Variants in FHOD3 observed in about 807,000 individuals in gnomAD.
The protein encoded by FHOD3 is FH1/FH2 domain-containing protein 3.
FHOD3 carries 90 observed loss-of-function variants against 173.0 expected under a neutral mutation model. That is an observed-to-expected ratio of 0.52 (90% confidence interval 0.44 to 0.62). FHOD3 has a LOEUF of 0.62. FHOD3 is among the 20% of genes least tolerant of loss of function. FHOD3 has a pLI of 0.00. For synonymous variants in FHOD3, 828 were observed against 823.0 expected (o/e 1.01, Z -0.10); for missense variants, 1,945 against 2,034.7 (o/e 0.96, Z 0.85).
intron 19 of FHOD3, among the ~76,000 whole-genome samples, chr18:36,724,514 C>T (rs948139025): frequency 6.6e-6 from 1 of 152,186 alleles, no homozygotes; most frequent in Admixed American, 6.5e-5. Context: ...GCCTTGAGTG[C>T]TGTCTGTTTG....
At chr18:36,537,150 C>T (rs2057028685) in intron 5 of FHOD3, among the ~76,000 whole-genome samples, 1 of 152,160 alleles carries the variant, frequency 6.6e-6, no homozygotes, top group Admixed American at 6.5e-5. Flanking sequence ...TATGGCCTGT[C>T]TCCACTCCAA....
chr18:36,303,564 A>G (rs892492804), intron 1 of FHOD3, among the ~76,000 whole-genome samples: 35 of 152,184 alleles, frequency 2.3e-4, no homozygotes, highest in African/African-American at 8.4e-4. Flanking sequence ...AGTTCTTAAT[A>G]GTGTCGACTT....
chr18:36,630,450 G>A (rs2034433817), intron 10 of FHOD3, among the ~76,000 whole-genome samples: 2 of 152,122 alleles, frequency 1.3e-5, no homozygotes, highest in African/African-American at 4.8e-5. Flanking sequence ...ACTTTTAGGG[G>A]ACCAAGCCTT....
intron 14 of FHOD3, among the ~76,000 whole-genome samples, chr18:36,679,858 G>C (rs952193506): frequency 1.3e-5 from 2 of 151,850 alleles, no homozygotes; most frequent in Non-Finnish European, 2.9e-5. Flanking sequence ...TCTCCCATTT[G>C]GGCACCAGGT....
chr18:36,769,136 G>A (rs2043265906), intron 27 of FHOD3, 129 bp from the exon 28 acceptor site: 2 of 1,056,438 alleles, frequency 1.9e-6, no homozygotes, highest in South Asian at 3.1e-5. Context: ...ACTAGCTCTG[G>A]GGCTTTAACT....
chr18:36,315,161 C>T (rs2044057367), intron 1 of FHOD3, among the ~76,000 whole-genome samples: 1 of 152,214 alleles, frequency 6.6e-6, no homozygotes. Flanking sequence ...ATGAAAAATG[C>T]ACTCAGAGTT....
intron 24 of FHOD3, among the ~76,000 whole-genome samples, chr18:36,753,318 G>A (rs990308331): frequency 6.6e-6 from 1 of 152,102 alleles, no homozygotes; most frequent in Non-Finnish European, 1.5e-5. Context: ...CTTTTTCAGG[G>A]AATAACCAGG....
intron 2 of FHOD3, among the ~76,000 whole-genome samples, chr18:36,361,869 A>C (rs1193719561): frequency 6.6e-6 from 1 of 152,092 alleles, no homozygotes; most frequent in Non-Finnish European, 1.5e-5. Flanking sequence ...GGGCCCAGGC[A>C]GAGGTGATTT....
At chr18:36,593,229 C>T (rs1440890451) in intron 6 of FHOD3, among the ~76,000 whole-genome samples, 1 of 152,092 alleles carries the variant, frequency 6.6e-6, no homozygotes, top group Non-Finnish European at 1.5e-5. Flanking sequence ...GACAAGTAAT[C>T]CCAGTGGTGG....
chr18:36,625,881 A>G, intron 10 of FHOD3, 132 bp downstream of exon 10: 4 of 707,492 alleles, frequency 5.7e-6, no homozygotes, highest in Non-Finnish European at 8.5e-6. Flanking sequence ...CCTCTTCTTG[A>G]CCATTAAACC....
chr18:36,516,853 G>T (rs1219148886), intron 5 of FHOD3, among the ~76,000 whole-genome samples: 1 of 152,238 alleles, frequency 6.6e-6, no homozygotes, highest in African/African-American at 2.4e-5. Flanking sequence ...CACCTGAGGA[G>T]CTCTGCTCTG....
intron 3 of FHOD3, among the ~76,000 whole-genome samples, chr18:36,414,889 G>T (rs1344452255): frequency 6.6e-6 from 1 of 152,178 alleles, no homozygotes; most frequent in Non-Finnish European, 1.5e-5. Context: ...CTCCTGCAGG[G>T]CTGTCTGACT....
chr18:36,780,169 C>A lies in FHOD3; in HGVS notation c.*639C>A. 1 of 1,231,886 alleles carries A rather than the reference C, an allele frequency of 8.1e-7. No homozygotes were observed. The highest frequency in any genetic ancestry group is 3.2e-5 in the East Asian group (1 of 31,704). 76.3% of individuals were successfully genotyped at this position (1,231,886 alleles called of 1,614,324 possible). ...TCCTCAGAAGCACCCTCGCTTGGAA[C>A]GGCCTTCAGATCCTTTGGGCTGTAT... On this transcript the variant is annotated 3_prime_UTR_variant, in exon 29 of 29. Transcript: ENST00000590592.
chr18:36,763,044 ATTATACACGTTATATATAATATGCG>A (rs1193144280), intron 27 of FHOD3, among the ~76,000 whole-genome samples: 25 of 131,448 alleles, frequency 1.9e-4, no homozygotes, highest in African/African-American at 5.6e-4. Flanking sequence ...TAATATGCGT[ATTATACACGTTATATATAATATGCG>A]TATTATACAC....
intron 3 of FHOD3, among the ~76,000 whole-genome samples, chr18:36,443,714 C>T (rs562801022): frequency 1.3e-5 from 2 of 152,212 alleles, no homozygotes; most frequent in East Asian, 1.9e-4. Flanking sequence ...CCTGAGATCA[C>T]GGAGCTAGGA....
chr18:36,730,901 C>A, intron 20 of FHOD3, 97 bp downstream of exon 20: 1 of 1,274,106 alleles, frequency 7.8e-7, no homozygotes, highest in Non-Finnish European at 1.1e-6. Flanking sequence ...TGGTGCCTTT[C>A]TGTCTCAACT....
Position 36,779,587 on chromosome 18 carries a change from A to C in FHOD3, c.*57A>C, listed in dbSNP as rs1289408614. 1 of 1,507,556 alleles carries C rather than the reference A, an allele frequency of 6.6e-7. No individual in the cohort carries two copies. Among genetic ancestry groups the C allele is most frequent in the Non-Finnish European group, 9.2e-7 (1 of 1,084,346 alleles). The allele number at this position is 1,507,556 out of a possible 1,614,324, so 93.4% of individuals were successfully genotyped here. ...GCAGAAGGCAAGCTCTTGCTGGATG[A>C]AACCCCTCCAGGTGGGGTTGGGGAG... On this transcript the variant is annotated 3_prime_UTR_variant, in exon 29 of 29. Transcript: ENST00000590592.
intron 18 of FHOD3, among the ~76,000 whole-genome samples, chr18:36,717,065 A>C (rs751333228): frequency 5.9e-5 from 9 of 151,994 alleles, no homozygotes; most frequent in Non-Finnish European, 1.3e-4. Context: ...ACCCCTGCTA[A>C]GAGGTATGTT....
chr18:36,690,289 C>T (rs1019760823), intron 16 of FHOD3, among the ~76,000 whole-genome samples: 1 of 151,986 alleles, frequency 6.6e-6, no homozygotes, highest in Non-Finnish European at 1.5e-5. Flanking sequence ...AGAGGATAAA[C>T]GGGAATGTTT....
Sources: gnomAD v4.1 joint callset for allele counts (sites outside exome capture counted in the v4.1 genomes callset) on GRCh38, gnomAD v4.1.1 for gene constraint, MANE v1.5 for transcripts, NCBI Gene and HGNC (gene_info 2026-07-23, HGNC 2026-07-21) for gene names.